The following INPP5B variants were observed in gnomAD, a reference collection of about 807,000 sequenced individuals.
INPP5B encodes type II inositol 1,4,5-trisphosphate 5-phosphatase.
INPP5B carries 90 observed loss-of-function variants against 118.5 expected under a neutral mutation model. That is an observed-to-expected ratio of 0.76 (90% CI 0.64 to 0.90). The LOEUF (loss-of-function observed/expected upper bound fraction) is 0.90, where lower values mean the gene tolerates loss of function less well. Ranked by LOEUF, INPP5B falls within the 40% of genes least tolerant of loss-of-function variation. INPP5B has a pLI of 0.00. For synonymous variants in INPP5B, 385 were observed against 418.9 expected (o/e 0.92, Z 0.99); for missense variants, 984 against 1,125.6 (o/e 0.87, Z 1.80).
chr1:37,877,297 A>C (rs1642900556), intron 16 of INPP5B, among the ~76,000 whole-genome samples: 1 of 144,452 alleles, frequency 6.9e-6, no homozygotes, highest in Non-Finnish European at 1.5e-5. Flanking sequence ...AGCTGAAATC[A>C]CGCCACTGCA....
chr1:37,937,972 CAAAA>C (rs916186225), intron 6 of INPP5B, among the ~76,000 whole-genome samples: 10 of 57,654 alleles, frequency 1.7e-4, no homozygotes, highest in Admixed American at 8.3e-4. Flanking sequence ...AAGTTGGTCT[CAAAA>C]AAAAAAAAAA....
intron 1 of INPP5B, among the ~76,000 whole-genome samples, 182 bp from the exon 2 acceptor site, chr1:37,946,516 G>T (rs533366512): frequency 3.9e-4 from 59 of 152,098 alleles, no homozygotes; most frequent in Non-Finnish European, 6.5e-4. Context: ...CAGTTTTTAG[G>T]GATAGGGGTC....
rs35639791 is a variant in INPP5B at position 37,868,312 on chromosome 1, CA to C, written c.2301+188del. 4.4e-3 allele frequency among the ~76,000 whole-genome samples: 364 copies of C among 83,032 alleles called. 1 individual carries two copies. Among genetic ancestry groups the C allele is most frequent in the African/African-American group, 0.01 (214 of 20,776 alleles). The allele number at this position is 83,032 out of a possible 152,430, so 54.5% of individuals were successfully genotyped here. A position where few individuals can be genotyped will look rare whatever the true frequency, so the allele number is the denominator to read the frequency against. ...TGGGCAACAGAATAAAACTCTGTCT[CA>C]AAAAAAAAAAAAAAAAAAAATAGCA... On this transcript the variant is annotated intron_variant, in intron 20 of 23. Coordinates refer to ENST00000373024, the MANE Select transcript of INPP5B (RefSeq NM_005540.3).
chr1:37,924,286 A>T (rs1018202437), intron 7 of INPP5B, among the ~76,000 whole-genome samples: 1 of 151,422 alleles, frequency 6.6e-6, no homozygotes, highest in Non-Finnish European at 1.5e-5. Context: ...CTCGTACCTC[A>T]GCCTCTTGAC....
intron 19 of INPP5B, among the ~76,000 whole-genome samples, chr1:37,871,413 G>A (rs1485773325): frequency 6.6e-6 from 1 of 151,532 alleles, no homozygotes; most frequent in African/African-American, 2.4e-5. Context: ...AGCCACGATC[G>A]TGCCACTGCA....
intron 7 of INPP5B, among the ~76,000 whole-genome samples, chr1:37,902,663 T>C (rs1190077991): frequency 6.6e-6 from 1 of 152,156 alleles, no homozygotes; most frequent in Non-Finnish European, 1.5e-5. Flanking sequence ...GTTCAAACTA[T>C]TCTCCTGCCT....
In INPP5B at chr1:37,904,896, A is replaced by T. The variant is rs544299359; in HGVS notation, c.533-13442T>A. On this transcript the variant is annotated intron_variant, in intron 7 of 23. Transcript: ENST00000373024. ...CCATCTCAAAAAAAAAAAAAATTTT[A>T]AAGGGTTATAAAAGGTTAATGAAAA... 5.3e-5 allele frequency among the ~76,000 whole-genome samples: 8 copies of T among 152,244 alleles called. No homozygotes were observed. In the South Asian group the frequency reaches 1.0e-3, roughly 20 times the overall value.
intron 7 of INPP5B, among the ~76,000 whole-genome samples, chr1:37,899,050 G>A (rs1203005899): frequency 4.0e-5 from 6 of 151,042 alleles, no homozygotes; most frequent in Non-Finnish European, 7.4e-5. Context: ...GTGTGGTGGC[G>A]CATGCCTGTA....
chr1:37,868,064 C>T (rs573262553), intron 20 of INPP5B, among the ~76,000 whole-genome samples: 3 of 152,070 alleles, frequency 2.0e-5, no homozygotes, highest in Non-Finnish European at 2.9e-5. Context: ...TGGCAGAGCG[C>T]GGTGGCTCAT....
In INPP5B at chr1:37,865,706, C is replaced by T; in HGVS notation, c.2514+55G>A. 3 of 1,595,490 alleles carry T rather than the reference C, an allele frequency of 1.9e-6. No homozygotes were observed. The East Asian group carries it at 6.9e-5, about 37-fold the overall frequency. ...TTGAGGAACTGTGTCCACTCTGTTC[C>T]CTTAGCCCCATGGGGTCTGGGGCTA... On this transcript the variant is annotated intron_variant, in intron 22 of 23. Coordinates refer to ENST00000373024, the MANE Select transcript of INPP5B (RefSeq NM_005540.3).
At chr1:37,900,002 C>T (rs1405661947) in intron 7 of INPP5B, among the ~76,000 whole-genome samples, 1 of 151,910 alleles carries the variant, frequency 6.6e-6, no homozygotes, top group East Asian at 1.9e-4. Context: ...GCGTGAGCCA[C>T]TGTGCCCGGC....
At position 37,878,710 on chromosome 1, in the gene INPP5B, T is replaced by G. The variant is rs373241004; in HGVS notation, c.1542-387A>C. On this transcript the variant is annotated intron_variant, in intron 15 of 23. Coordinates refer to ENST00000373024, the MANE Select transcript of INPP5B (RefSeq NM_005540.3). ...TGTCGCCCAGGCTGGAGTGCAGTGGTGTGATCTCAGCTCACTGCAACCTCC... is the reference window on the plus strand; with the variant it reads ...TGTCGCCCAGGCTGGAGTGCAGTGGGGTGATCTCAGCTCACTGCAACCTCC... Among the ~76,000 whole-genome samples, 12 of 151,772 alleles carry G rather than the reference T, an allele frequency of 7.9e-5. 1 individual carries two copies. In the East Asian group the frequency reaches 1.4e-3, roughly 17 times the overall value.
At chr1:37,933,229 G>A (rs1570375033) in intron 6 of INPP5B, among the ~76,000 whole-genome samples, 1 of 152,102 alleles carries the variant, frequency 6.6e-6, no homozygotes, top group East Asian at 1.9e-4. Flanking sequence ...TATTTCCATT[G>A]TATAAATAAA....
intron 7 of INPP5B, among the ~76,000 whole-genome samples, chr1:37,927,949 T>C (rs978652174): frequency 1.3e-5 from 2 of 152,130 alleles, no homozygotes; most frequent in African/African-American, 2.4e-5. Context: ...ATCATTCCTA[T>C]CTCTATTAAT....
At chr1:37,878,418 G>A (rs762229346) in intron 15 of INPP5B, 95 bp from the exon 16 acceptor site, 89 of 1,538,156 alleles carry the variant, frequency 5.8e-5, no homozygotes, top group Non-Finnish European at 7.7e-5. Flanking sequence ...GATGAATCAG[G>A]GCCTTCATGT....
At chr1:37,941,014 A>C (rs1024056617) in intron 5 of INPP5B, among the ~76,000 whole-genome samples, 1 of 152,144 alleles carries the variant, frequency 6.6e-6, no homozygotes, top group Admixed American at 6.6e-5. Flanking sequence ...AGGCAGAAGA[A>C]GGCTCTGAAA....
In INPP5B at chr1:37,943,790, T is replaced by A. The variant is rs1646023705; in HGVS notation, c.250+6A>T. On this transcript the variant is annotated splice_donor_region_variant and intron_variant, in intron 4 of 23. Coordinates refer to ENST00000373024, the MANE Select transcript of INPP5B (RefSeq NM_005540.3). ...AGGATTCATACCACCCAGCCCCCTG[T>A]GGCACCTTCTTCCAGCGTAAAATCC... 1.2e-6 allele frequency: 2 copies of A among 1,613,796 alleles called. No homozygotes were observed. Among genetic ancestry groups the A allele is most frequent in the Non-Finnish European group, 1.7e-6 (2 of 1,179,682 alleles).
chr1:37,919,501 CTCTAAG>C (rs745934541), intron 7 of INPP5B, among the ~76,000 whole-genome samples: 2 of 152,142 alleles, frequency 1.3e-5, no homozygotes, highest in Non-Finnish European at 2.9e-5. Context: ...TCCAAGGGCT[CTCTAAG>C]TCTGAGACAG....
At chr1:37,925,119 A>G (rs1160447778) in intron 7 of INPP5B, among the ~76,000 whole-genome samples, 2 of 152,212 alleles carry the variant, frequency 1.3e-5, no homozygotes, top group Admixed American at 1.3e-4. Context: ...GGCTGCAGTG[A>G]GCAGAGATCA....
Sources: allele counts gnomAD v4.1 joint callset (sites outside exome capture counted in the v4.1 genomes callset), GRCh38; gene constraint gnomAD v4.1.1; transcripts MANE v1.5; gene names NCBI Gene and HGNC (gene_info 2026-07-23, HGNC 2026-07-21).